The following ZNF726 variants were observed in gnomAD, a reference collection of about 807,000 sequenced individuals.
ZNF726 encodes zinc finger protein 726, also known as zinc finger protein 92 pseudogene 3.
ZNF726 carries 15 observed loss-of-function variants against 11.6 expected under a neutral mutation model. The ratio of observed to expected loss-of-function variants is 1.29; its 90% confidence interval spans 0.86 to 1.99. ZNF726 has a LOEUF of 1.99. Ranked by LOEUF, ZNF726 falls within the 30% of genes most tolerant of loss-of-function variation. The pLI, the probability that ZNF726 is intolerant of heterozygous loss-of-function variation, is 0.00. For missense variants in ZNF726, 890 were observed against 725.6 expected (o/e 1.23, Z -2.60); for synonymous variants, 295 against 243.6 (o/e 1.21, Z -1.96).
intron 3 of ZNF726, 63 bp from the exon 4 acceptor site, chr19:23,932,280 G>T: frequency 8.4e-7 from 1 of 1,184,034 alleles, no homozygotes; most frequent in South Asian, 3.8e-5. Flanking sequence ...TTATAGGTAA[G>T]ATTTTTAAAC....
downstream of ZNF726, among the ~76,000 whole-genome samples, chr19:23,938,874 T>C (rs942501801): frequency 8.5e-5 from 13 of 152,292 alleles, no homozygotes; most frequent in African/African-American, 3.1e-4. Context: ...CCCAAAATAC[T>C]GGGATTACAG....
In ZNF726 at chr19:23,932,783, C is replaced by T. The variant is rs532103414; in HGVS notation, c.667C>T (p.His223Tyr). Residue 223 changes from histidine to tyrosine, a missense_variant, in exon 4 of 4, where the codon CAT becomes TAT. Coordinates refer to ENST00000594466, the MANE Select transcript of ZNF726 (RefSeq NM_001244038.2). Reference sequence around the variant, plus strand: ...AACCCTTACTAATCATAAGAAAACTCATACTGAAGAAAAGCCCTACAAATG... The same window carrying T: ...AACCCTTACTAATCATAAGAAAACTTATACTGAAGAAAAGCCCTACAAATG... ...SSTLTNHKKT[H>Y]TEEKPYKCEE... 1.2e-6 allele frequency: 2 copies of T among 1,611,974 alleles called. No individual in the cohort carries two copies. Among genetic ancestry groups the T allele is most frequent in the Non-Finnish European group, 1.7e-6 (2 of 1,179,306 alleles).
chr19:23,927,620 T>C (rs991872575), intron 3 of ZNF726, among the ~76,000 whole-genome samples: 1 of 152,104 alleles, frequency 6.6e-6, no homozygotes, highest in Non-Finnish European at 1.5e-5. Flanking sequence ...GTGTCTCCAG[T>C]AGTTGGGACT....
intron 2 of ZNF726, chr19:23,919,757 C>T: frequency 2.1e-6 from 1 of 470,212 alleles, no homozygotes; most frequent in Non-Finnish European, 3.4e-6. Flanking sequence ...TTATTCACAC[C>T]TTAAAATCCA....
At chr19:23,926,093 T>C (rs1967980228) in intron 3 of ZNF726, among the ~76,000 whole-genome samples, 1 of 152,224 alleles carries the variant, frequency 6.6e-6, no homozygotes, top group African/African-American at 2.4e-5. Flanking sequence ...TCACCCATTT[T>C]CTAGAATGCA....
intron 1 of ZNF726, 31 bp downstream of exon 1, chr19:23,915,028 A>AG: frequency 1.2e-6 from 2 of 1,613,648 alleles, no homozygotes; most frequent in Non-Finnish European, 1.7e-6. Flanking sequence ...ATCCCAAGAG[A>AG]GGGAACGGGG....
intron 3 of ZNF726, among the ~76,000 whole-genome samples, chr19:23,942,596 C>T (rs934231045): frequency 1.3e-5 from 2 of 152,092 alleles, no homozygotes; most frequent in Non-Finnish European, 2.9e-5. Flanking sequence ...ATGTCTATCT[C>T]ATTTCTTAGG....
chr19:23,941,669 G>A (rs1968341030), intron 3 of ZNF726, among the ~76,000 whole-genome samples: 1 of 151,956 alleles, frequency 6.6e-6, no homozygotes, highest in African/African-American at 2.4e-5. Context: ...GGTCTGTTCA[G>A]GGTATCTAAT....
At chr19:23,929,078 T>A (rs569932915) in intron 3 of ZNF726, 1 of 152,166 alleles carries the variant, frequency 6.6e-6, no homozygotes, top group East Asian at 1.9e-4. Flanking sequence ...GATTATATTT[T>A]TTTCTATTAA....
rs759057123 is a variant in ZNF726 at position 23,932,653 on chromosome 19, CAA to C, written c.539_540del (p.Lys180IlefsTer12). On this transcript the variant is annotated frameshift_variant, in exon 4 of 4. Coordinates refer to ENST00000594466, the MANE Select transcript of ZNF726 (RefSeq NM_001244038.2). LOFTEE classifies it low-confidence loss of function (END_TRUNC). ...AACCTTTCAAATGTAAAAATTGTGT[CAA>C]ATCATTTTGCATGTTTTCACACAAA... ...KKPFKCKNCV[K>X]SFCMFSHKTQ... 1.9e-6 allele frequency: 3 copies of C among 1,573,296 alleles called. No homozygotes were observed. In the East Asian group the frequency reaches 6.8e-5, roughly 36 times the overall value.
In ZNF726 at chr19:23,932,475, T is replaced by C. The variant is rs557918469; in HGVS notation, c.359T>C (p.Val120Ala). 6 of 1,586,616 alleles carry C rather than the reference T, an allele frequency of 3.8e-6. No individual in the cohort carries two copies. Among genetic ancestry groups the C allele is most frequent in the Middle Eastern group, 1.7e-4 (1 of 5,918 alleles). ...CAGTTAAGAAAAGGTTGTAAAAGTGTGGATGAGTGTAAGGTACACAAAGAA... is the reference window on the plus strand; with the variant it reads ...CAGTTAAGAAAAGGTTGTAAAAGTGCGGATGAGTGTAAGGTACACAAAGAA... Reference protein sequence around the residue: ...NLQLRKGCKSVDECKVHKEGY... With the variant: ...NLQLRKGCKSADECKVHKEGY... The change falls in exon 4 of 4, where the codon GTG (valine) becomes GCG (alanine). Residue 120 changes from valine (V) to alanine (A), a missense_variant. Val to Ala is a moderately conservative substitution (Grantham distance 64). Coordinates refer to ENST00000594466, the MANE Select transcript of ZNF726 (RefSeq NM_001244038.2).
At chr19:23,932,063 G>T (rs1968118016) in intron 3 of ZNF726, among the ~76,000 whole-genome samples, 1 of 152,124 alleles carries the variant, frequency 6.6e-6, no homozygotes, top group African/African-American at 2.4e-5. Flanking sequence ...AAGCTGTGTT[G>T]GGTAAATTTA....
At chr19:23,930,425 C>T (rs1013483938) in intron 3 of ZNF726, among the ~76,000 whole-genome samples, 1 of 151,944 alleles carries the variant, frequency 6.6e-6, no homozygotes, top group Non-Finnish European at 1.5e-5. Context: ...GGGTATGCTA[C>T]CACACATCCA....
intron 3 of ZNF726, among the ~76,000 whole-genome samples, chr19:23,939,583 A>C (rs774735489): frequency 1.2e-4 from 19 of 152,134 alleles, no homozygotes; most frequent in Non-Finnish European, 2.8e-4. Context: ...CTTTTAGTTC[A>C]TTAAGGAATC....
chr19:23,919,369 CCAGGGA>C lies in ZNF726; in HGVS notation c.4-2_7del. 1 of 1,603,818 alleles carries C rather than the reference CCAGGGA, an allele frequency of 6.2e-7. No homozygotes were observed. The highest frequency in any genetic ancestry group is 8.5e-7 in the Non-Finnish European group (1 of 1,173,866). On this transcript the variant is annotated splice_acceptor_variant and splice_polypyrimidine_tract_variant and coding_sequence_variant and intron_variant, in exon 2 of 4. Coordinates refer to ENST00000594466, the MANE Select transcript of ZNF726 (RefSeq NM_001244038.2). LOFTEE classifies it high-confidence loss of function. ...AAATATGTGTGTTTGTGTGTATTTT[CCAGGGA>C]CTGTTGACATTTAGGGATGTGGCCA... is the stretch of plus-strand genomic sequence containing the variant.
chr19:23,925,703 T>TTTTTC (rs1351059206), intron 3 of ZNF726, among the ~76,000 whole-genome samples: 7 of 149,170 alleles, frequency 4.7e-5, no homozygotes, highest in Non-Finnish European at 3.0e-5. Context: ...GATTGTTCAG[T>TTTTTC]TTTTCTTTTC....
chr19:23,926,727 GT>G (rs1967997759), intron 3 of ZNF726, among the ~76,000 whole-genome samples: 1 of 152,078 alleles, frequency 6.6e-6, no homozygotes, highest in Non-Finnish European at 1.5e-5. Context: ...GTGTGCTCAT[GT>G]TAATTTTGTG....
In ZNF726 at chr19:23,932,414, C is replaced by G; in HGVS notation, c.298C>G (p.Leu100Val). Residue 100 changes from leucine (L) to valine (V), a missense_variant, in exon 4 of 4, where the codon CTA becomes GTA. By Grantham distance (32) the Leu-to-Val change is conservative. Coordinates refer to ENST00000594466, the MANE Select transcript of ZNF726 (RefSeq NM_001244038.2). ...GGAAGATTCTTTTCAAAAAGTAATA[C>G]TAAGAAGATTTGAAAAATGTGGACA... is the stretch of plus-strand genomic sequence containing the variant. ...GVEDSFQKVILRRFEKCGHEN... is the reference protein window; with the variant it reads ...GVEDSFQKVIVRRFEKCGHEN... The G allele has an allele frequency of 1.3e-6, 2 of 1,551,058 alleles. No individual in the cohort carries two copies. The highest frequency in any genetic ancestry group is 1.4e-5 in the African/African-American group (1 of 72,432).
At chr19:23,934,793 A>G (rs1968200108), downstream of ZNF726, among the ~76,000 whole-genome samples, 1 of 152,128 alleles carries the variant, frequency 6.6e-6, no homozygotes, top group African/African-American at 2.4e-5. Flanking sequence ...CAGAGTTACT[A>G]CCAGAATTCA....
Sources: allele counts gnomAD v4.1 joint callset (sites outside exome capture counted in the v4.1 genomes callset), GRCh38; gene constraint gnomAD v4.1.1; transcripts MANE v1.5; gene names NCBI Gene and HGNC (gene_info 2026-07-23, HGNC 2026-07-21).